TEKT3: variants seen among roughly 807,000 people sequenced by gnomAD.
The protein encoded by TEKT3 is tektin-3.
Under a neutral mutation model 49.8 loss-of-function variants are expected in TEKT3, and 49 were observed. The ratio of observed to expected loss-of-function variants is 0.98; its 90% confidence interval spans 0.78 to 1.25. The LOEUF is 1.25. Among genes scored for constraint, TEKT3 ranks in the 50% most tolerant of loss-of-function variants. The pLI is 0.00. For synonymous variants in TEKT3, 225 were observed against 237.2 expected, an observed-to-expected ratio of 0.95 and a Z score of 0.47; for missense variants, 595 against 629.5, an observed-to-expected ratio of 0.95 and a Z score of 0.59.
At chr17:15,315,090 T>G (rs535933804) in intron 5 of TEKT3, among the ~76,000 whole-genome samples, 12 of 152,314 alleles carry the variant, frequency 7.9e-5, no homozygotes, top group African/African-American at 2.2e-4. Flanking sequence ...GATGCGTCAG[T>G]GGACACCACC....
At chr17:15,341,805 C>T (rs990194328), upstream of TEKT3, among the ~76,000 whole-genome samples, 27 of 152,324 alleles carry the variant, frequency 1.8e-4, no homozygotes, top group Admixed American at 1.5e-3. Flanking sequence ...GCTCCCCGCC[C>T]TCCGGGAGAC....
intron 8 of TEKT3, chr17:15,306,992 G>C (rs565066550): frequency 3.8e-4 from 58 of 152,324 alleles, no homozygotes; most frequent in African/African-American, 1.3e-3. Flanking sequence ...AAAACATGCA[G>C]CCTGAGTGAT....
In TEKT3 at chr17:15,312,410, G is replaced by A; in HGVS notation, c.950C>T (p.Ala317Val). 1 of 1,614,202 alleles carries A rather than the reference G, an allele frequency of 6.2e-7. No individual in the cohort carries two copies. Among genetic ancestry groups the A allele is most frequent in the Non-Finnish European group, 8.5e-7 (1 of 1,180,038 alleles). The change falls in exon 7 of 9, where the codon GCT becomes GTT. Residue 317 changes from alanine (A) to valine (V), a missense_variant. Coordinates refer to ENST00000395930, the MANE Select transcript of TEKT3 (RefSeq NM_031898.3). ...AATGTCGTCTCTTAGCTTAGCGGAA[G>A]CTGCCCGTTCACTCTGGGAGCGGAG... ...NILRSQSERA[A>V]SAKLRDDIEN...
At chr17:15,309,016 G>A (rs1308103951) in intron 7 of TEKT3, among the ~76,000 whole-genome samples, 198 bp from the exon 8 acceptor site, 1 of 152,148 alleles carries the variant, frequency 6.6e-6, no homozygotes, top group Admixed American at 6.5e-5. Context: ...GCATGCACCT[G>A]CTCTGGAGAG....
At chr17:15,324,195 A>G (rs1911389552) in intron 4 of TEKT3, among the ~76,000 whole-genome samples, 1 of 152,196 alleles carries the variant, frequency 6.6e-6, no homozygotes, top group Non-Finnish European at 1.5e-5. Flanking sequence ...GAATTACCAT[A>G]TGTGGTCCTT....
chr17:15,306,558 GA>G (rs34533322), intron 8 of TEKT3, among the ~76,000 whole-genome samples: 63,302 of 143,606 alleles, frequency 0.44, 13,649 homozygotes, highest in South Asian at 0.54. Context: ...CCAGGAATAG[GA>G]AAAAAAAAAA....
chr17:15,305,787 TA>T (rs762284587), intron 8 of TEKT3, among the ~76,000 whole-genome samples: 2,375 of 126,298 alleles, frequency 0.019, 32 homozygotes, highest in African/African-American at 0.045. Flanking sequence ...ACATCAATGC[TA>T]AAAAAAAAAA....
chr17:15,312,327 A>G lies in TEKT3; in HGVS notation c.1033T>C (p.Leu345=), dbSNP rs1314663952. Residue 345 remains leucine (L), a synonymous_variant, in exon 7 of 9, where the codon TTG becomes CTG. Transcript: ENST00000395930. The part of the protein sequence containing the change: ...EMWNQFNKVN[L]SFTNRIAETA... ...TCAGCAATGCGATTGGTGAAAGACA[A>G]GTTCACTTTGTTGAATTGATTCCAC... 1.2e-6 allele frequency: 2 copies of G among 1,614,142 alleles called. No homozygotes were observed. The highest frequency in any genetic ancestry group is 1.7e-6 in the Non-Finnish European group (2 of 1,180,056).
At chr17:15,307,896 G>A (rs182993204) in intron 8 of TEKT3, among the ~76,000 whole-genome samples, 29 of 152,286 alleles carry the variant, frequency 1.9e-4, no homozygotes, top group African/African-American at 2.4e-5. Flanking sequence ...GGATTGTGGC[G>A]GGGGTAGGGA....
rs73982103 is a variant in TEKT3 at position 15,323,437 on chromosome 17, A to G, written c.664-4290T>C. On this transcript the variant is annotated intron_variant, in intron 4 of 8. Coordinates refer to ENST00000395930, the MANE Select transcript of TEKT3 (RefSeq NM_031898.3). ...TGACTTTGCAGGTTCATTTGGCTCC[A>G]AAGTCCAAGGAGTCAGTACGGTCTG... Among the ~76,000 whole-genome samples the G allele has an allele frequency of 5.2e-3, 566 of 108,058 alleles. 4 individuals carry two copies. The highest frequency in any genetic ancestry group is 0.037 in the East Asian group (118 of 3,222). The allele number at this position is 108,058 out of a possible 152,430, so 70.9% of individuals were successfully genotyped here.
In TEKT3 at chr17:15,339,500, C is replaced by T. The variant is rs559097575; in HGVS notation, c.-30+528G>A. On this transcript the variant is annotated intron_variant, in intron 2 of 8. Coordinates refer to ENST00000395930, the MANE Select transcript of TEKT3 (RefSeq NM_031898.3). ...TACAATAGTCTTCCATAAATATTAA[C>T]ATACTAAATATAGAATCAATCACAC... 5.9e-5 allele frequency among the ~76,000 whole-genome samples: 9 copies of T among 152,306 alleles called. No individual in the cohort carries two copies. In the South Asian group the frequency reaches 1.9e-3, roughly 32 times the overall value.
intron 8 of TEKT3, among the ~76,000 whole-genome samples, chr17:15,306,087 A>ATGTGTG (rs750721630): frequency 3.0e-4 from 38 of 128,480 alleles, no homozygotes; most frequent in South Asian, 4.9e-4. Context: ...TTATTTATAT[A>ATGTGTG]TATGTGTGTG....
chr17:15,328,036 C>T lies in TEKT3; in HGVS notation c.619G>A (p.Gly207Arg), dbSNP rs761572120. The T allele has an allele frequency of 6.2e-7, 1 of 1,613,902 alleles. No individual in the cohort carries two copies. Among genetic ancestry groups the T allele is most frequent in the African/African-American group, 1.3e-5 (1 of 74,916 alleles). Residue 207 changes from glycine (G) to arginine (R), a missense_variant, in exon 4 of 9, where the codon GGA (glycine) becomes AGA (arginine). Gly to Arg is a moderately radical substitution (Grantham distance 125). Coordinates refer to ENST00000395930, the MANE Select transcript of TEKT3 (RefSeq NM_031898.3). ...ECLFHREKRM[G>R]IDLVHDEVEA... ...ACTTCATCGTGAACTAGGTCGATTC[C>T]CATTCTCTTTTCTCGATGAAATAGA...
rs1910433623 is a variant in TEKT3, at chr17:15,304,061, G to A, written c.1348C>T (p.His450Tyr). Residue 450 changes from histidine (H) to tyrosine (Y), a missense_variant, in exon 9 of 9, where the codon CAC becomes TAC. By Grantham distance (83) the His-to-Tyr change is moderately conservative. Coordinates refer to ENST00000395930, the MANE Select transcript of TEKT3 (RefSeq NM_031898.3). This position sits in a 1 kb window ranked among gnomAD's most constrained non-coding sequence, Gnocchi z 4.7. ...TCATACTCGAGTGTGGCTTTGATGT[G>A]GACCAGCGACTGCAGGGTGTCCTCT... Reference protein sequence around the residue: ...DAEDTLQSLVHIKATLEYDLA... With the variant: ...DAEDTLQSLVYIKATLEYDLA... 1 of 1,614,026 alleles carries A rather than the reference G, an allele frequency of 6.2e-7. No individual in the cohort carries two copies. Among genetic ancestry groups the A allele is most frequent in the Non-Finnish European group, 8.5e-7 (1 of 1,180,024 alleles).
At chr17:15,332,274 A>G (rs1197382600) in intron 2 of TEKT3, among the ~76,000 whole-genome samples, 1 of 152,162 alleles carries the variant, frequency 6.6e-6, no homozygotes, top group Non-Finnish European at 1.5e-5. Flanking sequence ...TATATCTAAA[A>G]ATCTAGACAA....
In TEKT3 at chr17:15,331,125, C is replaced by T. The variant is rs775898810; in HGVS notation, c.461G>A (p.Gly154Glu). The T allele has an allele frequency of 6.2e-7, 1 of 1,614,146 alleles. No homozygotes were observed. The highest frequency in any genetic ancestry group is 8.5e-7 in the Non-Finnish European group (1 of 1,180,028). ...QNLGERVNDIGFWKSEIIHEL... is the reference protein window; with the variant it reads ...QNLGERVNDIEFWKSEIIHEL... ...ATGAATGATTTCAGATTTCCAAAAC[C>T]CTATGTCATTGACACGTTCTCCCAG... The change falls in exon 3 of 9, where the codon GGG (glycine) becomes GAG (glutamate). Residue 154 changes from glycine (G) to glutamate (E), a missense_variant. Coordinates refer to ENST00000395930, the MANE Select transcript of TEKT3 (RefSeq NM_031898.3).
Position 15,314,934 on chromosome 17 carries a change from G to T in TEKT3, c.735-704C>A, listed in dbSNP as rs1338404078. On this transcript the variant is annotated intron_variant, in intron 5 of 8. Transcript: ENST00000395930. ...TGAGATGTATGGTCTTGCCTGCACT[G>T]CCAGGCAGACAGGGGACCCACAGCT... is the stretch of plus-strand genomic sequence containing the variant. Among the ~76,000 whole-genome samples, 3 of 152,182 alleles carry T rather than the reference G, an allele frequency of 2.0e-5. 1 individual carries two copies. Among genetic ancestry groups the T allele is most frequent in the African/African-American group, 7.2e-5 (3 of 41,442 alleles).
chr17:15,310,667 T>C (rs1910730775), intron 7 of TEKT3, among the ~76,000 whole-genome samples: 2 of 152,258 alleles, frequency 1.3e-5, no homozygotes, highest in Admixed American at 6.5e-5. Flanking sequence ...TTGATTTCTA[T>C]TGTGGAAATT....
intron 4 of TEKT3, among the ~76,000 whole-genome samples, chr17:15,324,924 G>A (rs1187145208): frequency 2.1e-5 from 3 of 143,762 alleles, no homozygotes; most frequent in African/African-American, 8.0e-5. Flanking sequence ...ATAGGTCTTT[G>A]ATCCCTTTTG....
Sources: allele counts gnomAD v4.1 joint callset (sites outside exome capture counted in the v4.1 genomes callset), GRCh38; gene constraint gnomAD v4.1.1; non-coding constraint Gnocchi (gnomAD v3.1); transcripts MANE v1.5; gene names NCBI Gene and HGNC (gene_info 2026-07-23, HGNC 2026-07-21).